ERBB4: variants seen among roughly 807,000 people sequenced by gnomAD.
ERBB4 encodes the protein receptor tyrosine-protein kinase erbB-4.
In ERBB4, 42 loss-of-function variants were observed where a neutral mutation model predicts 158.0. The ratio of observed to expected loss-of-function variants is 0.27; its 90% CI spans 0.21 to 0.34. ERBB4 has a LOEUF of 0.34. Among genes scored for constraint, ERBB4 ranks in the 10% least tolerant of loss-of-function variants. The pLI, the probability that ERBB4 is intolerant of heterozygous loss-of-function variation, is 1.00. For missense variants in ERBB4, 1,333 were observed against 1,624.1 expected, an observed-to-expected ratio of 0.82 and a Z score of 3.08; for synonymous variants, 583 against 558.7, an observed-to-expected ratio of 1.04 and a Z score of -0.61.
chr2:212,444,767 A>G (rs1328069030), intron 1 of ERBB4, among the ~76,000 whole-genome samples: 1 of 152,062 alleles, frequency 6.6e-6, no homozygotes. Flanking sequence ...TGAATGCCCA[A>G]TTTGGCAGCA....
rs548378346 is a variant in ERBB4, at chr2:211,653,760, T to C, written c.1946+3994A>G. 7.2e-5 allele frequency among the ~76,000 whole-genome samples: 11 copies of C among 152,182 alleles called. No individual in the cohort carries two copies. The South Asian group carries it at 1.7e-3, about 23-fold the overall frequency. On this transcript the variant is annotated intron_variant, in intron 16 of 27. Coordinates refer to ENST00000342788, the MANE Select transcript of ERBB4 (RefSeq NM_005235.3). ...CACGACCTCGGCTCACTGTAACCTC[T>C]GCCTCCCAGGTTCAAGAGATTCTCC...
At chr2:211,692,019 T>G (rs1448630367) in intron 12 of ERBB4, among the ~76,000 whole-genome samples, 1 of 152,178 alleles carries the variant, frequency 6.6e-6, no homozygotes, top group Non-Finnish European at 1.5e-5. Flanking sequence ...TTGATGGGAT[T>G]GACTTGAAGG....
chr2:212,213,096 C>T (rs1429206610), intron 1 of ERBB4, among the ~76,000 whole-genome samples: 1 of 151,992 alleles, frequency 6.6e-6, no homozygotes, highest in Non-Finnish European at 1.5e-5. Context: ...AGAGCTTCTG[C>T]ACAGAAAAGA....
At chr2:212,337,357 T>G (rs761938725) in intron 1 of ERBB4, among the ~76,000 whole-genome samples, 1 of 152,128 alleles carries the variant, frequency 6.6e-6, no homozygotes, top group African/African-American at 2.4e-5. Context: ...TATATTTCAA[T>G]GCAAAGATGA....
chr2:212,317,669 G>T (rs1435359041), intron 1 of ERBB4, among the ~76,000 whole-genome samples: 1 of 151,536 alleles, frequency 6.6e-6, no homozygotes, highest in African/African-American at 2.4e-5. Context: ...CTTCAGGAAG[G>T]TATCCAGTCC....
At chr2:211,514,931 G>A (rs777200964) in intron 20 of ERBB4, among the ~76,000 whole-genome samples, 2 of 152,066 alleles carry the variant, frequency 1.3e-5, no homozygotes, top group Non-Finnish European at 2.9e-5. Flanking sequence ...TGCTCAACCT[G>A]TACTAAAATT....
At chr2:211,662,477 G>A (rs2071466157) in intron 15 of ERBB4, among the ~76,000 whole-genome samples, 1 of 152,194 alleles carries the variant, frequency 6.6e-6, no homozygotes, top group South Asian at 2.1e-4. Flanking sequence ...TTACTGGACT[G>A]TGAGTTCATT....
rs551527135 is a variant in ERBB4 at position 212,225,798 on chromosome 2, A to C, written c.83-100895T>G. On this transcript the variant is annotated intron_variant, in intron 1 of 27. Coordinates refer to ENST00000342788, the MANE Select transcript of ERBB4 (RefSeq NM_005235.3). Reference sequence around the variant, plus strand: ...TTCTCTTTAAATTATTTCCAAAGTTACATGGTCCCTATAACAGGCTGAATC... The same window carrying C: ...TTCTCTTTAAATTATTTCCAAAGTTCCATGGTCCCTATAACAGGCTGAATC... Among the ~76,000 whole-genome samples the C allele has an allele frequency of 3.6e-4, 54 of 152,110 alleles. No individual in the cohort carries two copies. The South Asian group carries it at 3.9e-3, about 11-fold the overall frequency.
chr2:211,394,488 T>C (rs1182442409), intron 25 of ERBB4, among the ~76,000 whole-genome samples: 1 of 152,204 alleles, frequency 6.6e-6, no homozygotes, highest in Non-Finnish European at 1.5e-5. Flanking sequence ...CTAATGCATA[T>C]AGCCAGAAAC....
chr2:211,782,581 A>C (rs2106304578), intron 4 of ERBB4, among the ~76,000 whole-genome samples: 1 of 152,334 alleles, frequency 6.6e-6, no homozygotes, highest in South Asian at 2.1e-4. Context: ...TCTAAAATTT[A>C]AGCAAATAGG....
At position 211,925,531 on chromosome 2, in the gene ERBB4, G is replaced by A. The variant is rs566743835; in HGVS notation, c.421+21899C>T. Among the ~76,000 whole-genome samples, 118 of 151,544 alleles carry A rather than the reference G, an allele frequency of 7.8e-4. 1 individual carries two copies. Among genetic ancestry groups the A allele is most frequent in the African/African-American group, 2.5e-3 (104 of 41,378 alleles). ...CAAGTAGCTGGGATTACAGGCACCC[G>A]CCACACCTGGCTAATTTTTTTCTGT... On this transcript the variant is annotated intron_variant, in intron 3 of 27. Transcript: ENST00000342788.
intron 1 of ERBB4, among the ~76,000 whole-genome samples, chr2:212,497,110 G>A (rs967918411): frequency 1.3e-5 from 2 of 149,032 alleles, no homozygotes; most frequent in Non-Finnish European, 1.5e-5. Context: ...CCCAGGAGGC[G>A]GAGGTTGCAG....
chr2:212,176,633 C>T (rs925576601), intron 1 of ERBB4, among the ~76,000 whole-genome samples: 39 of 151,930 alleles, frequency 2.6e-4, no homozygotes, highest in Non-Finnish European at 4.4e-4. Flanking sequence ...TTTTCACCTA[C>T]CTAATGCTGA....
At chr2:212,051,012 T>C (rs962795969) in intron 2 of ERBB4, among the ~76,000 whole-genome samples, 1 of 152,150 alleles carries the variant, frequency 6.6e-6, no homozygotes, top group Non-Finnish European at 1.5e-5. Flanking sequence ...ATACTGTAAC[T>C]GAAATAGCAA....
intron 16 of ERBB4, among the ~76,000 whole-genome samples, chr2:211,631,880 C>T (rs2070146856): frequency 6.6e-6 from 1 of 151,960 alleles, no homozygotes; most frequent in African/African-American, 2.4e-5. Flanking sequence ...AGAACTTATA[C>T]TACATTTTCT....
Position 212,331,071 on chromosome 2 carries a change from T to TATATATATATACAC in ERBB4, c.83-206169_83-206168insGTGTATATATATAT, listed in dbSNP as rs147932949. ...TATTTGTAATTTGTATATATATATA[T>TATATATATATACAC]ACACATATATATATATGCCCATAAC... On this transcript the variant is annotated intron_variant, in intron 1 of 27. Coordinates refer to ENST00000342788, the MANE Select transcript of ERBB4 (RefSeq NM_005235.3). Among the ~76,000 whole-genome samples, 36 of 120,062 alleles carry TATATATATATACAC rather than the reference T, an allele frequency of 3.0e-4. 1 individual carries two copies. Among genetic ancestry groups the TATATATATATACAC allele is most frequent in the African/African-American group, 6.9e-4 (25 of 36,046 alleles). The allele number at this position is 120,062 out of a possible 152,430, so 78.8% of individuals were successfully genotyped here.
chr2:212,289,979 A>G (rs757840807), intron 1 of ERBB4, among the ~76,000 whole-genome samples: 32 of 152,114 alleles, frequency 2.1e-4, no homozygotes, highest in Non-Finnish European at 4.1e-4. Flanking sequence ...TATTCGTAGC[A>G]TATGTCTAAA....
intron 3 of ERBB4, among the ~76,000 whole-genome samples, chr2:211,931,792 A>G (rs574304087): frequency 5.3e-5 from 8 of 152,156 alleles, no homozygotes; most frequent in Admixed American, 5.2e-4. Context: ...AATAAAGAAC[A>G]CGTTTTACAT....
At chr2:211,417,100 G>C (rs997461342) in intron 25 of ERBB4, among the ~76,000 whole-genome samples, 1 of 152,086 alleles carries the variant, frequency 6.6e-6, no homozygotes, top group African/African-American at 2.4e-5. Context: ...AGCACGGTTT[G>C]CAGAAGTTAA....
Sources: allele counts gnomAD v4.1 joint callset (sites outside exome capture counted in the v4.1 genomes callset), GRCh38; gene constraint gnomAD v4.1.1; transcripts MANE v1.5; gene names NCBI Gene and HGNC (gene_info 2026-07-23, HGNC 2026-07-21).